UNC5D: variants seen among roughly 807,000 people sequenced by gnomAD.
UNC5D encodes netrin receptor UNC5D.
A neutral mutation model predicts 105.4 loss-of-function variants in UNC5D; 39 were observed. That is an observed-to-expected ratio of 0.37 (90% CI 0.29 to 0.48). The LOEUF (loss-of-function observed/expected upper bound fraction) is 0.48, where lower values mean the gene tolerates loss of function less well. Ranked by LOEUF, UNC5D falls within the 20% of genes least tolerant of loss-of-function variation. The pLI is 0.98. For synonymous variants in UNC5D, 452 were observed against 450.4 expected (o/e 1.00, Z -0.04); for missense variants, 991 against 1,202.4 (o/e 0.82, Z 2.60).
chr8:35,323,666 C>T (rs1809925258), intron 1 of UNC5D, among the ~76,000 whole-genome samples: 1 of 152,050 alleles, frequency 6.6e-6, no homozygotes, highest in Admixed American at 6.5e-5. Context: ...CTTAAAACAA[C>T]CATATGGGGC....
At chr8:35,763,027 TCTCAG>T (rs1563743733) in intron 14 of UNC5D, among the ~76,000 whole-genome samples, 1 of 152,232 alleles carries the variant, frequency 6.6e-6, no homozygotes, top group African/African-American at 2.4e-5. Context: ...ACATAATTCC[TCTCAG>T]CTCAGAGAGC....
chr8:35,686,716 C>G lies in UNC5D; in HGVS notation c.1084+7C>G, dbSNP rs752062200. 6.4e-7 allele frequency: 1 copy of G among 1,574,210 alleles called. No homozygotes were observed. The highest frequency in any genetic ancestry group is 1.2e-5 in the South Asian group (1 of 85,532). ...GATGGTCTTTGCATCCTAGGTAACACTTTTGCTTTAACATCTTCAGTGTTT... is the reference window on the plus strand; with the variant it reads ...GATGGTCTTTGCATCCTAGGTAACAGTTTTGCTTTAACATCTTCAGTGTTT... On this transcript the variant is annotated splice_region_variant and intron_variant, in intron 7 of 16. Coordinates refer to ENST00000404895, the MANE Select transcript of UNC5D (RefSeq NM_080872.4).
At chr8:35,732,520 C>T (rs763153405) in intron 11 of UNC5D, among the ~76,000 whole-genome samples, 9 of 152,148 alleles carry the variant, frequency 5.9e-5, no homozygotes, top group Non-Finnish European at 1.0e-4. Flanking sequence ...TTAAGCAGAC[C>T]TAAAAATGGA....
chr8:35,682,123 C>T (rs956106206), intron 4 of UNC5D, among the ~76,000 whole-genome samples: 6 of 152,228 alleles, frequency 3.9e-5, no homozygotes, highest in Admixed American at 3.3e-4. Context: ...TGCCACCACA[C>T]CCGGCTAATT....
intron 16 of UNC5D, 144 bp downstream of exon 16, chr8:35,774,621 A>G (rs1802157256): frequency 1.4e-5 from 16 of 1,142,388 alleles, no homozygotes; most frequent in Non-Finnish European, 1.7e-5. Context: ...CCACTAAGTA[A>G]GTGGGGAAAG....
intron 4 of UNC5D, among the ~76,000 whole-genome samples, chr8:35,645,898 C>T (rs1586327102): frequency 6.6e-6 from 1 of 151,642 alleles, no homozygotes; most frequent in Admixed American, 6.6e-5. Context: ...GGAGTGAAGT[C>T]TGTGTGTGTT....
At chr8:35,500,494 C>A (rs894552820) in intron 1 of UNC5D, among the ~76,000 whole-genome samples, 3 of 152,158 alleles carry the variant, frequency 2.0e-5, no homozygotes, top group Non-Finnish European at 4.4e-5. Context: ...TCTATTAAAC[C>A]ATTCATGTTC....
At chr8:35,726,662 A>G (rs545002394) in intron 10 of UNC5D, 133 bp downstream of exon 10, 4 of 1,368,790 alleles carry the variant, frequency 2.9e-6, no homozygotes, top group South Asian at 1.4e-5. Context: ...CGGCTCCACT[A>G]GTCCACTTGA....
At chr8:35,577,863 C>T (rs1326178636) in intron 3 of UNC5D, among the ~76,000 whole-genome samples, 1 of 152,086 alleles carries the variant, frequency 6.6e-6, no homozygotes, top group African/African-American at 2.4e-5. Flanking sequence ...GTCAAATCAA[C>T]AGCATGTGAT....
intron 1 of UNC5D, among the ~76,000 whole-genome samples, chr8:35,377,522 C>T (rs569628817): frequency 4.4e-4 from 67 of 152,312 alleles, no homozygotes; most frequent in African/African-American, 1.4e-3. Flanking sequence ...CCCCGTGCCA[C>T]ATTCCAGCAT....
chr8:35,644,748 TC>T (rs1437939926), intron 4 of UNC5D, among the ~76,000 whole-genome samples: 2 of 152,188 alleles, frequency 1.3e-5, no homozygotes, highest in African/African-American at 4.8e-5. Context: ...ATGTGAAAGT[TC>T]TTTTCTGATC....
chr8:35,543,520 T>A (rs1033109212), intron 1 of UNC5D, among the ~76,000 whole-genome samples: 3 of 152,338 alleles, frequency 2.0e-5, no homozygotes, highest in East Asian at 1.9e-4. Context: ...GCCCAGTTGT[T>A]TTTCTTGCTA....
chr8:35,554,800 C>G (rs1331982169), intron 2 of UNC5D, among the ~76,000 whole-genome samples: 1 of 152,006 alleles, frequency 6.6e-6, no homozygotes, highest in East Asian at 1.9e-4. Context: ...AATGTGTATT[C>G]CAATGTGTTA....
intron 16 of UNC5D, among the ~76,000 whole-genome samples, chr8:35,777,964 T>C (rs960169347): frequency 2.6e-5 from 4 of 152,140 alleles, no homozygotes; most frequent in African/African-American, 9.7e-5. Context: ...ATTTTCATTC[T>C]TGTGTTTGGG....
At chr8:35,433,939 A>T (rs1231810633) in intron 1 of UNC5D, among the ~76,000 whole-genome samples, 3 of 151,848 alleles carry the variant, frequency 2.0e-5, no homozygotes, top group Admixed American at 1.3e-4. Context: ...TATGATCTTT[A>T]TCAATTATCT....
chr8:35,576,257 A>G (rs1818081144), intron 3 of UNC5D, among the ~76,000 whole-genome samples: 1 of 152,234 alleles, frequency 6.6e-6, no homozygotes, highest in Non-Finnish European at 1.5e-5. Flanking sequence ...TGGTGTCAGT[A>G]ATGGTGATGG....
intron 1 of UNC5D, among the ~76,000 whole-genome samples, chr8:35,390,142 G>C (rs1213357395): frequency 1.3e-5 from 2 of 152,120 alleles, no homozygotes; most frequent in East Asian, 3.9e-4. Context: ...AGCAAGGAAG[G>C]AGGAGGTGCT....
chr8:35,499,083 C>A (rs1204276023), intron 1 of UNC5D, among the ~76,000 whole-genome samples: 2 of 152,262 alleles, frequency 1.3e-5, no homozygotes, highest in South Asian at 2.1e-4. Flanking sequence ...ATCTGCAAAT[C>A]AAGTTGAGGG....
intron 4 of UNC5D, among the ~76,000 whole-genome samples, chr8:35,633,726 G>A (rs1011956064): frequency 2.0e-5 from 3 of 152,192 alleles, no homozygotes; most frequent in Non-Finnish European, 2.9e-5. Context: ...TTGCACACCA[G>A]CTTAGATCGC....
Sources: allele counts gnomAD v4.1 joint callset (sites outside exome capture counted in the v4.1 genomes callset), GRCh38; gene constraint gnomAD v4.1.1; transcripts MANE v1.5; gene names NCBI Gene and HGNC (gene_info 2026-07-23, HGNC 2026-07-21).